The following PBLD variants were observed in gnomAD, a reference collection of about 807,000 sequenced individuals.
PBLD encodes the protein phenazine biosynthesis like protein domain containing.
PBLD carries 26 observed loss-of-function variants against 31.3 expected under a neutral mutation model. The observed-to-expected ratio is 0.83, with a 90% CI of 0.61 to 1.15. PBLD has a LOEUF of 1.15. Among genes scored for constraint, PBLD ranks in the 50% most tolerant of loss-of-function variants. PBLD has a pLI of 0.00. For synonymous variants in PBLD, 114 were observed against 129.0 expected (o/e 0.88, Z 0.79); for missense variants, 307 against 351.7 (o/e 0.87, Z 1.02).
intron 1 of PBLD, among the ~76,000 whole-genome samples, chr10:68,319,984 C>T (rs953642532): frequency 1.3e-5 from 2 of 151,714 alleles, no homozygotes; most frequent in South Asian, 2.1e-4. Context: ...CCATCACGCC[C>T]GGCTAATTTT....
At chr10:68,330,247 T>C (rs2045004391) in intron 1 of PBLD, among the ~76,000 whole-genome samples, 1 of 151,986 alleles carries the variant, frequency 6.6e-6, no homozygotes. Context: ...GGTTTGAGGA[T>C]GAATTAAAGC....
intron 2 of PBLD, among the ~76,000 whole-genome samples, chr10:68,300,267 G>A (rs889794521): frequency 1.6e-4 from 24 of 152,166 alleles, no homozygotes; most frequent in African/African-American, 5.8e-4. Flanking sequence ...ACACGTAGTA[G>A]GTACTTGATA....
chr10:68,322,660 T>G (rs889863331), intron 1 of PBLD, among the ~76,000 whole-genome samples: 40 of 146,938 alleles, frequency 2.7e-4, no homozygotes, highest in Non-Finnish European at 3.0e-4. Flanking sequence ...CGAGACCCTG[T>G]CTCAAAAAAA....
chr10:68,295,839 T>A (rs555989960), intron 4 of PBLD: 1 of 152,632 alleles, frequency 6.6e-6, no homozygotes, highest in African/African-American at 2.4e-5. Context: ...GTAATCCTGC[T>A]ACTCAGGAGG....
At chr10:68,322,766 T>G (rs1335062687) in intron 1 of PBLD, among the ~76,000 whole-genome samples, 1 of 152,062 alleles carries the variant, frequency 6.6e-6, no homozygotes, top group Non-Finnish European at 1.5e-5. Context: ...TTGTTTTTTG[T>G]TTTTGAGACA....
At chr10:68,328,756 C>T (rs944111954) in intron 1 of PBLD, among the ~76,000 whole-genome samples, 3 of 151,880 alleles carry the variant, frequency 2.0e-5, no homozygotes, top group Non-Finnish European at 4.4e-5. Context: ...CTCACCAAGC[C>T]TTATTTACAG....
chr10:68,298,190 G>C lies in PBLD; in HGVS notation c.85-1205C>G, dbSNP rs375378122. Reference sequence around the variant, plus strand: ...GGATCTCTTGAGCCCAGAAGTCAAGGCTGCAGTGAGCCATGATTGTGCCAC... The same window carrying C: ...GGATCTCTTGAGCCCAGAAGTCAAGCCTGCAGTGAGCCATGATTGTGCCAC... On this transcript the variant is annotated intron_variant, in intron 2 of 9. Coordinates refer to ENST00000358769, the MANE Select transcript of PBLD (RefSeq NM_022129.4). Among the ~76,000 whole-genome samples the C allele has an allele frequency of 3.5e-4, 54 of 152,318 alleles. No individual in the cohort carries two copies. In the East Asian group the frequency reaches 0.01, roughly 28 times the overall value.
rs773037139 is a variant in PBLD at position 68,292,181 on chromosome 10, C to T, written c.341G>A (p.Arg114Gln). 15 of 1,613,692 alleles carry T rather than the reference C, an allele frequency of 9.3e-6. No individual in the cohort carries two copies. In the African/African-American group the frequency reaches 9.3e-5, roughly 10 times the overall value. Residue 114 changes from arginine to glutamine, a missense_variant, in exon 5 of 10, where the codon CGA (arginine) becomes CAA (glutamine). Coordinates refer to ENST00000358769, the MANE Select transcript of PBLD (RefSeq NM_022129.4). ...VTLSGELRAR[R>Q]AEDGIVLDLP... Reference sequence around the variant, plus strand: ...GTCCAGGACGATGCCATCCTCTGCTCGTCTGGCCCTTAGTTCTCCACTCAG... The same window carrying T: ...GTCCAGGACGATGCCATCCTCTGCTTGTCTGGCCCTTAGTTCTCCACTCAG...
intron 8 of PBLD, 105 bp from the exon 9 acceptor site, chr10:68,285,515 T>C: frequency 6.9e-7 from 1 of 1,443,238 alleles, no homozygotes. Context: ...GAATAAACTC[T>C]AGATCACCTA....
At chr10:68,300,188 G>A (rs985144229) in intron 2 of PBLD, among the ~76,000 whole-genome samples, 19 of 152,020 alleles carry the variant, frequency 1.2e-4, no homozygotes, top group African/African-American at 2.4e-4. Flanking sequence ...TCTACGCCCC[G>A]GCTTACCCAG....
chr10:68,310,160 G>A (rs2044646305), intron 1 of PBLD, among the ~76,000 whole-genome samples: 1 of 149,432 alleles, frequency 6.7e-6, no homozygotes. Context: ...AAATAATAGA[G>A]TACGGGCATT....
chr10:68,288,651 C>T lies in PBLD; in HGVS notation c.523G>A (p.Glu175Lys), dbSNP rs1244500030. The T allele has an allele frequency of 6.2e-7, 1 of 1,613,802 alleles. No individual in the cohort carries two copies. The highest frequency in any genetic ancestry group is 2.2e-5 in the East Asian group (1 of 44,882). ...LSDVYNRSFL[E>K]NLKVNTENLL... ...TTCTCCGTGTTCACTTTCAGGTTCT[C>T]CAGAAACGACCTTGTTCATAAACAA... The change falls in exon 8 of 10, where the codon GAG (glutamate) becomes AAG (lysine). Residue 175 changes from glutamate (E) to lysine (K), a missense_variant. By Grantham distance (56) the Glu-to-Lys change is moderately conservative (BLOSUM62 1). Transcript: ENST00000358769.
intron 2 of PBLD, among the ~76,000 whole-genome samples, chr10:68,299,344 T>C (rs968867581): frequency 1.3e-5 from 2 of 152,228 alleles, no homozygotes; most frequent in Admixed American, 6.5e-5. Flanking sequence ...TGCATTTTTG[T>C]TTTGGCCAAA....
intron 1 of PBLD, among the ~76,000 whole-genome samples, chr10:68,319,140 T>C (rs1406233957): frequency 1.8e-5 from 2 of 108,690 alleles, no homozygotes; most frequent in South Asian, 5.9e-4. Context: ...GAAGGAGAAA[T>C]AGCAATGGAA....
At chr10:68,314,003 G>A (rs925131474) in intron 1 of PBLD, among the ~76,000 whole-genome samples, 1 of 151,982 alleles carries the variant, frequency 6.6e-6, no homozygotes, top group African/African-American at 2.4e-5. Context: ...TGGAGACAAA[G>A]TCTCACCCTC....
rs1277412980 is a variant in PBLD at position 68,283,519 on chromosome 10, C to T, written c.*658G>A. 2 of 152,094 alleles carry T rather than the reference C, an allele frequency of 1.3e-5. No homozygotes were observed. The highest frequency in any genetic ancestry group is 4.8e-5 in the African/African-American group (2 of 41,398). 9.4% of individuals were successfully genotyped at this position (152,094 alleles called of 1,614,324 possible). A position where few individuals can be genotyped will look rare whatever the true frequency, so the allele number is the denominator to read the frequency against. On this transcript the variant is annotated 3_prime_UTR_variant, in exon 10 of 10. Coordinates refer to ENST00000358769, the MANE Select transcript of PBLD (RefSeq NM_022129.4). ...CATAGTTATTGACTCATTTTAATGG[C>T]TGCAAAATCAGGTACTCATTTAAGC...
intron 2 of PBLD, among the ~76,000 whole-genome samples, chr10:68,304,024 T>C (rs996750846): frequency 6.6e-6 from 1 of 152,208 alleles, no homozygotes; most frequent in Non-Finnish European, 1.5e-5. Flanking sequence ...TTGTTAACCT[T>C]TGTACCTCTG....
intron 1 of PBLD, among the ~76,000 whole-genome samples, chr10:68,313,129 G>A (rs1404209045): frequency 6.6e-6 from 1 of 152,098 alleles, no homozygotes; most frequent in Non-Finnish European, 1.5e-5. Flanking sequence ...TGCCCAAGCT[G>A]GTCTCAAACT....
At chr10:68,325,090 A>G (rs2044896848) in intron 1 of PBLD, among the ~76,000 whole-genome samples, 1 of 151,458 alleles carries the variant, frequency 6.6e-6, no homozygotes, top group South Asian at 2.1e-4. Flanking sequence ...CTGAAAATAC[A>G]AAAAGTAGCC....
Sources: allele counts gnomAD v4.1 joint callset (sites outside exome capture counted in the v4.1 genomes callset), GRCh38; gene constraint gnomAD v4.1.1; transcripts MANE v1.5; gene names NCBI Gene and HGNC (gene_info 2026-07-23, HGNC 2026-07-21).